Variants in ARFGEF3 observed in about 807,000 individuals in gnomAD.
The protein encoded by ARFGEF3 is ARFGEF family member 3.
A neutral mutation model predicts 221.7 loss-of-function variants in ARFGEF3; 96 were observed. The ratio of observed to expected loss-of-function variants is 0.43; its 90% CI spans 0.37 to 0.51. The LOEUF (loss-of-function observed/expected upper bound fraction) is 0.51, where lower values mean the gene tolerates loss of function less well. ARFGEF3 is among the 20% of genes least tolerant of loss of function. The probability of loss-of-function intolerance (pLI) is 0.00; values close to 1 mark genes in which losing one functional copy is unlikely to be tolerated. For synonymous variants in ARFGEF3, 1,145 were observed against 1,126.8 expected (o/e 1.02, Z -0.32); for missense variants, 2,410 against 2,789.9 (o/e 0.86, Z 3.07).
intron 5 of ARFGEF3, among the ~76,000 whole-genome samples, chr6:138,236,668 C>T (rs1291489096): frequency 1.3e-5 from 2 of 152,080 alleles, no homozygotes; most frequent in Non-Finnish European, 2.9e-5. Flanking sequence ...GGTTTTGCCC[C>T]GTTGCGCCCA....
chr6:138,291,029 C>G lies in ARFGEF3; in HGVS notation c.3048-704C>G, dbSNP rs971038675. 6.6e-6 allele frequency among the ~76,000 whole-genome samples: 1 copy of G among 152,138 alleles called. No homozygotes were observed. Among genetic ancestry groups the G allele is most frequent in the African/African-American group, 2.4e-5 (1 of 41,438 alleles). ...TTCTAGAACATCAGAGTGGATTATC[C>G]ATGATGCTCTTTACCAGTAAACAGA... On this transcript the variant is annotated intron_variant, in intron 18 of 33. Coordinates refer to ENST00000251691, the MANE Select transcript of ARFGEF3 (RefSeq NM_020340.5). The surrounding 1 kb of genome is among the most constrained non-coding windows in gnomAD (Gnocchi z 4.5).
chr6:138,329,773 A>G (rs1780190916), intron 32 of ARFGEF3, among the ~76,000 whole-genome samples: 1 of 152,164 alleles, frequency 6.6e-6, no homozygotes, highest in Non-Finnish European at 1.5e-5. Flanking sequence ...GTCCCCCCAC[A>G]TTGATGTGGT....
At chr6:138,178,133 T>C (rs1776992089) in intron 2 of ARFGEF3, among the ~76,000 whole-genome samples, 1 of 152,176 alleles carries the variant, frequency 6.6e-6, no homozygotes, top group African/African-American at 2.4e-5. Context: ...GGACTTTTTC[T>C]CTCGAAGATG....
Position 138,308,973 on chromosome 6 carries a change from G to A in ARFGEF3, c.4096+112G>A, listed in dbSNP as rs559358656. ...GTCTGGAACAAGCACGCATCCTGGG[G>A]TACAAGCAGATGGTGGTGTTGTGTA... On this transcript the variant is annotated intron_variant, in intron 24 of 33. Coordinates refer to ENST00000251691, the MANE Select transcript of ARFGEF3 (RefSeq NM_020340.5). 5.9e-5 allele frequency: 77 copies of A among 1,298,212 alleles called. 1 individual carries two copies. Among genetic ancestry groups the A allele is most frequent in the Middle Eastern group, 5.8e-4 (3 of 5,146 alleles). 80.4% of individuals were successfully genotyped at this position (1,298,212 alleles called of 1,614,324 possible).
intron 12 of ARFGEF3, among the ~76,000 whole-genome samples, chr6:138,272,927 C>T (rs1779031185): frequency 6.6e-6 from 1 of 152,146 alleles, no homozygotes; most frequent in African/African-American, 2.4e-5. Context: ...TTCATCATTT[C>T]AGTATTTTTC....
intron 12 of ARFGEF3, among the ~76,000 whole-genome samples, chr6:138,265,168 G>T (rs1324862241): frequency 6.6e-6 from 1 of 152,108 alleles, no homozygotes; most frequent in Non-Finnish European, 1.5e-5. Context: ...CTCCCAAAGT[G>T]CTGGGATTAC....
At chr6:138,303,204 T>C (rs1779656918) in intron 22 of ARFGEF3, among the ~76,000 whole-genome samples, 1 of 152,176 alleles carries the variant, frequency 6.6e-6, no homozygotes, top group Admixed American at 6.5e-5. Flanking sequence ...AAGATTCATG[T>C]TATAATCCCT....
rs1476080657 is a variant in ARFGEF3, at chr6:138,340,398, G to A, written c.*3912G>A. The stretch of plus-strand genomic sequence containing the variant: ...GTCAAGTAGCCTTCGCTGTGAGACG[G>A]TAATGCAGTTATATAATAGATACCC... On this transcript the variant is annotated 3_prime_UTR_variant, in exon 34 of 34. Transcript: ENST00000251691. The A allele has an allele frequency of 6.6e-6, 1 of 152,132 alleles. No individual in the cohort carries two copies. Among genetic ancestry groups the A allele is most frequent in the African/African-American group, 2.4e-5 (1 of 41,420 alleles). 9.4% of individuals were successfully genotyped at this position (152,132 alleles called of 1,614,324 possible). A position where few individuals can be genotyped will look rare whatever the true frequency, so the allele number is the denominator to read the frequency against.
chr6:138,289,357 A>G (rs1307980113), intron 17 of ARFGEF3, among the ~76,000 whole-genome samples: 2 of 152,246 alleles, frequency 1.3e-5, no homozygotes, highest in African/African-American at 2.4e-5. Flanking sequence ...TGCTCAAAAT[A>G]TACGTAAATA....
chr6:138,255,913 CT>C, intron 10 of ARFGEF3, 144 bp downstream of exon 10: 1 of 716,654 alleles, frequency 1.4e-6, no homozygotes, highest in Non-Finnish European at 2.2e-6. Context: ...AATGCTGTCT[CT>C]AGAGTCAGTG....
intron 19 of ARFGEF3, among the ~76,000 whole-genome samples, chr6:138,292,424 C>T (rs1036024879): frequency 3.9e-5 from 6 of 152,106 alleles, no homozygotes; most frequent in Admixed American, 1.3e-4. Flanking sequence ...GCACCTGGAG[C>T]GGAGCTTGGA....
At chr6:138,222,137 T>C (rs1181889166) in intron 4 of ARFGEF3, among the ~76,000 whole-genome samples, 3 of 152,110 alleles carry the variant, frequency 2.0e-5, no homozygotes, top group Admixed American at 1.3e-4. Context: ...CCTTTTGGAG[T>C]TGGAACAGTG....
At chr6:138,305,931 T>C (rs1432658621) in intron 22 of ARFGEF3, among the ~76,000 whole-genome samples, 1 of 152,202 alleles carries the variant, frequency 6.6e-6, no homozygotes, top group East Asian at 1.9e-4. Context: ...TGTTTTTCTC[T>C]TGTAATCAGT....
At chr6:138,295,490 T>C (rs6921090) in intron 20 of ARFGEF3, among the ~76,000 whole-genome samples, 12,632 of 147,844 alleles carry the variant, frequency 0.085, 834 homozygotes, top group South Asian at 0.25. Flanking sequence ...ATTAGCCGGG[T>C]GTCATGGCAT....
At chr6:138,323,634 AC>A (rs3832398) in intron 29 of ARFGEF3, 36 bp from the exon 30 acceptor site, 1,794 of 1,402,342 alleles carry the variant, frequency 1.3e-3, no homozygotes, top group East Asian at 5.2e-3. Flanking sequence ...AACAACAACA[AC>A]AAAAAAAAAA....
At chr6:138,236,205 G>T (rs1438030549) in intron 5 of ARFGEF3, among the ~76,000 whole-genome samples, 2 of 152,152 alleles carry the variant, frequency 1.3e-5, no homozygotes, top group African/African-American at 4.8e-5. Context: ...GTGTAGTTCA[G>T]CTCTCAAAAT....
chr6:138,214,498 C>T (rs1211919241), intron 4 of ARFGEF3, among the ~76,000 whole-genome samples: 1 of 152,072 alleles, frequency 6.6e-6, no homozygotes, highest in Non-Finnish European at 1.5e-5. Context: ...TTTGTCTGTC[C>T]GACCACAGCA....
At chr6:138,198,905 T>A (rs1206303753) in intron 2 of ARFGEF3, among the ~76,000 whole-genome samples, 1 of 152,254 alleles carries the variant, frequency 6.6e-6, no homozygotes, top group African/African-American at 2.4e-5. Context: ...ACTCTCCGTG[T>A]AGACGTTATG....
At chr6:138,218,263 G>T (rs559691424) in intron 4 of ARFGEF3, 4 of 1,609,648 alleles carry the variant, frequency 2.5e-6, no homozygotes, top group South Asian at 1.1e-5. Context: ...AATGGTAAGA[G>T]CACAGTTTCT....
Sources: gnomAD v4.1 joint callset for allele counts (sites outside exome capture counted in the v4.1 genomes callset) on GRCh38, gnomAD v4.1.1 for gene constraint, Gnocchi (gnomAD v3.1) non-coding constraint, MANE v1.5 for transcripts, NCBI Gene and HGNC (gene_info 2026-07-23, HGNC 2026-07-21) for gene names.